TAF4B: variants seen among roughly 807,000 people sequenced by gnomAD.
TAF4B encodes TATA-box binding protein associated factor 4b.
TAF4B carries 38 observed loss-of-function variants against 86.4 expected under a neutral mutation model. The ratio of observed to expected loss-of-function variants is 0.44; its 90% confidence interval spans 0.34 to 0.58. TAF4B has a LOEUF of 0.58. Ranked by LOEUF, TAF4B falls within the 20% of genes least tolerant of loss-of-function variation. TAF4B has a pLI of 0.02. For missense variants in TAF4B, 988 were observed against 1,027.6 expected, an observed-to-expected ratio of 0.96 and a Z score of 0.53; for synonymous variants, 388 against 391.2, an observed-to-expected ratio of 0.99 and a Z score of 0.10.
chr18:26,300,458 T>A, intron 9 of TAF4B, among the ~76,000 whole-genome samples: 1 of 128,062 alleles, frequency 7.8e-6, no homozygotes, highest in African/African-American at 2.6e-5. Flanking sequence ...CAACTGATTA[T>A]AGGGTGTGTT....
chr18:26,282,749 C>T (rs2056465867), intron 6 of TAF4B, among the ~76,000 whole-genome samples: 1 of 152,234 alleles, frequency 6.6e-6, no homozygotes, highest in Non-Finnish European at 1.5e-5. Context: ...GCATTTCACA[C>T]ACAGCAGAAC....
chr18:26,359,082 A>G (rs2057311410), intron 14 of TAF4B, among the ~76,000 whole-genome samples: 1 of 152,224 alleles, frequency 6.6e-6, no homozygotes, highest in African/African-American at 2.4e-5. Context: ...TATGACATGC[A>G]TTCACAAATC....
intron 5 of TAF4B, among the ~76,000 whole-genome samples, chr18:26,276,478 A>G (rs993027214): frequency 5.9e-5 from 9 of 152,228 alleles, no homozygotes; most frequent in Admixed American, 3.3e-4. Context: ...TCACATAAAA[A>G]TTATCCCTTT....
At position 26,385,691 on chromosome 18, in the gene TAF4B, TTTTCTTC is replaced by T. The variant is rs1259416817; in HGVS notation, c.2422-4151_2422-4145del. 7.6e-3 allele frequency among the ~76,000 whole-genome samples: 1,102 copies of T among 145,394 alleles called. 9 individuals are homozygous for T. The highest frequency in any genetic ancestry group is 0.026 in the African/African-American group (1,044 of 40,590). On this transcript the variant is annotated intron_variant, in intron 14 of 14. Transcript: ENST00000269142. ...AAGAATAAACAGCGTTTTTTTTTTT[TTTTCTTC>T]TTCTTCTTCTTCTTCTTGCAAACTC...
intron 11 of TAF4B, among the ~76,000 whole-genome samples, chr18:26,321,544 G>C (rs1374055943): frequency 5.1e-5 from 3 of 59,384 alleles, no homozygotes; most frequent in Non-Finnish European, 8.3e-5. Context: ...TCGCATTCCT[G>C]TTCCTTTTTT....
intron 13 of TAF4B, among the ~76,000 whole-genome samples, chr18:26,349,380 T>G (rs1019165592): frequency 2.6e-5 from 4 of 152,148 alleles, no homozygotes; most frequent in African/African-American, 7.2e-5. Context: ...ATCAGTAGTA[T>G]TCCTTACCTA....
chr18:26,271,260 T>C (rs555244292), intron 3 of TAF4B, among the ~76,000 whole-genome samples: 1 of 152,342 alleles, frequency 6.6e-6, no homozygotes, highest in South Asian at 2.1e-4. Flanking sequence ...ACACAAGAAC[T>C]AGTTAGAAAT....
At position 26,346,797 on chromosome 18, in the gene TAF4B, ATGTGTATATATATATATATGTGTGTG is replaced by A. The variant is rs2057190195; in HGVS notation, c.2317-10891_2317-10866del. On this transcript the variant is annotated intron_variant, in intron 13 of 14. Coordinates refer to ENST00000269142, the MANE Select transcript of TAF4B (RefSeq NM_005640.3). ...TATGTGTGTGTATATATATATATATATGTGTATATATATATATATGTGTGTGTATATATATATATGTGTGTGTGTAT... is the reference window on the plus strand; with the variant it reads ...TATGTGTGTGTATATATATATATATATATATATATATATGTGTGTGTGTAT... Among the ~76,000 whole-genome samples, 5 of 21,384 alleles carry A rather than the reference ATGTGTATATATATATATATGTGTGTG, an allele frequency of 2.3e-4. 1 individual carries two copies. Among genetic ancestry groups the A allele is most frequent in the African/African-American group, 5.3e-4 (5 of 9,438 alleles). The allele number at this position is 21,384 out of a possible 152,430, so 14.0% of individuals were successfully genotyped here.
At chr18:26,388,578 A>C (rs552054590) in intron 14 of TAF4B, among the ~76,000 whole-genome samples, 10 of 152,184 alleles carry the variant, frequency 6.6e-5, no homozygotes, top group South Asian at 2.1e-4. Context: ...TGGATGAAGG[A>C]CAGGTAGACC....
rs567024032 is a variant in TAF4B at position 26,329,183 on chromosome 18, A to C, written c.2259+2043A>C. Among the ~76,000 whole-genome samples the C allele has an allele frequency of 2.8e-3, 432 of 151,732 alleles. 2 individuals are homozygous for C. Among genetic ancestry groups the C allele is most frequent in the Non-Finnish European group, 5.0e-3 (340 of 67,862 alleles). ...AGCAATCCTCCCACCTCAGCTTCTT[A>C]AGTAGCTGGGACTACACGCACACAC... is the stretch of plus-strand genomic sequence containing the variant. On this transcript the variant is annotated intron_variant, in intron 12 of 14. Coordinates refer to ENST00000269142, the MANE Select transcript of TAF4B (RefSeq NM_005640.3).
At chr18:26,251,774 A>G (rs768520984) in intron 1 of TAF4B, among the ~76,000 whole-genome samples, 1 of 152,182 alleles carries the variant, frequency 6.6e-6, no homozygotes, top group African/African-American at 2.4e-5. Context: ...AGTGCTTTCT[A>G]TTATATTATT....
At chr18:26,311,450 C>T (rs112355177) in intron 9 of TAF4B, among the ~76,000 whole-genome samples, 4,154 of 152,028 alleles carry the variant, frequency 0.027, 177 homozygotes, top group African/African-American at 0.095. Context: ...GCCTGGCCAA[C>T]GTGGCAAAAT....
chr18:26,284,358 T>C (rs559174434), intron 6 of TAF4B, among the ~76,000 whole-genome samples: 1 of 152,358 alleles, frequency 6.6e-6, no homozygotes, highest in South Asian at 2.1e-4. Flanking sequence ...TAAGACTGTT[T>C]CGTTTTCTTA....
chr18:26,332,893 A>G (rs996786578), intron 12 of TAF4B, among the ~76,000 whole-genome samples: 2 of 152,114 alleles, frequency 1.3e-5, no homozygotes, highest in Admixed American at 6.6e-5. Context: ...CTACAAGGCA[A>G]CACATGATCT....
intron 13 of TAF4B, among the ~76,000 whole-genome samples, chr18:26,336,926 G>A (rs937620549): frequency 2.6e-5 from 4 of 151,986 alleles, no homozygotes; most frequent in Admixed American, 2.6e-4. Flanking sequence ...TTTTGTTTTT[G>A]TTTGCATTTT....
At chr18:26,256,577 C>A (rs1397979305) in intron 1 of TAF4B, among the ~76,000 whole-genome samples, 1 of 151,698 alleles carries the variant, frequency 6.6e-6, no homozygotes, top group African/African-American at 2.4e-5. Flanking sequence ...TCTTCTTTTT[C>A]CAGTGTCTTA....
chr18:26,373,177 A>G (rs891515902), intron 14 of TAF4B, among the ~76,000 whole-genome samples: 1 of 152,164 alleles, frequency 6.6e-6, no homozygotes, highest in African/African-American at 2.4e-5. Flanking sequence ...TTTGGATTTT[A>G]AAGGCAACAT....
chr18:26,241,581 C>T (rs1054097965), intron 1 of TAF4B, among the ~76,000 whole-genome samples: 4 of 152,124 alleles, frequency 2.6e-5, no homozygotes, highest in South Asian at 2.1e-4. Context: ...GTGTCTCTAT[C>T]TCCTTCAGTT....
At chr18:26,317,555 C>T (rs1272051856) in intron 10 of TAF4B, among the ~76,000 whole-genome samples, 1 of 152,172 alleles carries the variant, frequency 6.6e-6, no homozygotes, top group East Asian at 1.9e-4. Flanking sequence ...AACAAATGGG[C>T]ATGGTTATTG....
Sources: gnomAD v4.1 joint callset for allele counts (sites outside exome capture counted in the v4.1 genomes callset) on GRCh38, gnomAD v4.1.1 for gene constraint, MANE v1.5 for transcripts, NCBI Gene and HGNC (gene_info 2026-07-23, HGNC 2026-07-21) for gene names.